KPNA3: variants seen among roughly 807,000 people sequenced by gnomAD.
KPNA3 encodes the protein karyopherin subunit alpha 3.
A neutral mutation model predicts 73.8 loss-of-function variants in KPNA3; 13 were observed. The observed-to-expected ratio is 0.18, with a 90% confidence interval of 0.11 to 0.28. The LOEUF (loss-of-function observed/expected upper bound fraction) is 0.28. KPNA3 is among the 10% of genes least tolerant of loss of function. The pLI is 1.00. For synonymous variants in KPNA3, 186 were observed against 206.9 expected, an observed-to-expected ratio of 0.90 and a Z score of 0.87; for missense variants, 360 against 618.1, an observed-to-expected ratio of 0.58 and a Z score of 4.43.
At chr13:49,739,632 C>T (rs1466726509) in intron 2 of KPNA3, among the ~76,000 whole-genome samples, 4 of 152,100 alleles carry the variant, frequency 2.6e-5, no homozygotes, top group Non-Finnish European at 4.4e-5. Context: ...TCAATTTTGA[C>T]GGATCAGTAT....
At chr13:49,790,729 T>C (rs892254247) in intron 1 of KPNA3, among the ~76,000 whole-genome samples, 21 of 152,350 alleles carry the variant, frequency 1.4e-4, no homozygotes, top group Non-Finnish European at 2.6e-4. Flanking sequence ...AAATATTTGT[T>C]GTGTACCTAT....
intron 7 of KPNA3, among the ~76,000 whole-genome samples, chr13:49,723,984 C>A (rs1209591458): frequency 1.3e-5 from 2 of 152,110 alleles, no homozygotes; most frequent in African/African-American, 4.8e-5. Flanking sequence ...CATTAAATAT[C>A]TGCTTTCTGT....
chr13:49,704,139 C>T (rs1356435786), intron 15 of KPNA3, among the ~76,000 whole-genome samples: 2 of 151,966 alleles, frequency 1.3e-5, no homozygotes, highest in East Asian at 1.9e-4. Context: ...GAAACCCTCC[C>T]GGCTGGGTGC....
intron 16 of KPNA3, 107 bp from the exon 17 acceptor site, chr13:49,702,005 TAACC>T (rs1954152783): frequency 1.5e-6 from 1 of 686,728 alleles, no homozygotes; most frequent in Admixed American, 2.7e-5. Flanking sequence ...GTGAATGCTT[TAACC>T]AACTAAAAAT....
chr13:49,724,441 C>CTACAGGCG (rs1334534132), intron 7 of KPNA3, among the ~76,000 whole-genome samples: 7 of 151,970 alleles, frequency 4.6e-5, no homozygotes, highest in African/African-American at 1.5e-4. Context: ...GCAGCTGGGA[C>CTACAGGCG]TACAGGCGCC....
intron 1 of KPNA3, among the ~76,000 whole-genome samples, chr13:49,782,594 A>C (rs1464144807): frequency 6.6e-6 from 1 of 152,140 alleles, no homozygotes; most frequent in African/African-American, 2.4e-5. Flanking sequence ...AAAATACTAA[A>C]TAGGCTGCGC....
chr13:49,791,335 T>C (rs1459878203), intron 1 of KPNA3, among the ~76,000 whole-genome samples: 1 of 152,196 alleles, frequency 6.6e-6, no homozygotes, highest in Non-Finnish European at 1.5e-5. Flanking sequence ...TAAAACCATT[T>C]TCCCCCTAAC....
intron 12 of KPNA3, among the ~76,000 whole-genome samples, chr13:49,707,469 C>A (rs528812736): frequency 9.2e-5 from 14 of 152,242 alleles, no homozygotes; most frequent in African/African-American, 2.9e-4. Context: ...CTTCCAGGGT[C>A]CTATGATAGT....
chr13:49,774,335 T>C (rs1429710316), intron 1 of KPNA3, among the ~76,000 whole-genome samples: 1 of 152,218 alleles, frequency 6.6e-6, no homozygotes, highest in Non-Finnish European at 1.5e-5. Context: ...TCTACAGTTA[T>C]ACCCCGAATT....
Position 49,789,101 on chromosome 13 carries a change from T to C in KPNA3, c.69+3337A>G, listed in dbSNP as rs186232714. 8.5e-5 allele frequency among the ~76,000 whole-genome samples: 13 copies of C among 152,280 alleles called. No individual in the cohort carries two copies. In the East Asian group the frequency reaches 2.1e-3, roughly 25 times the overall value. Reference sequence around the variant, plus strand: ...TCTAGGTATTACTGCCCTGTCACCCTTTCCATTGCTCTAATCATGTTACAT... The same window carrying C: ...TCTAGGTATTACTGCCCTGTCACCCCTTCCATTGCTCTAATCATGTTACAT... On this transcript the variant is annotated intron_variant, in intron 1 of 16. Transcript: ENST00000261667.
intron 8 of KPNA3, 27 bp downstream of exon 8, chr13:49,722,450 T>C (rs755132144): frequency 1.4e-6 from 2 of 1,476,118 alleles, no homozygotes; most frequent in Admixed American, 1.8e-5. Context: ...TTTAGATTCT[T>C]AAGAGGATTC....
intron 1 of KPNA3, among the ~76,000 whole-genome samples, chr13:49,781,108 C>T (rs140307003): frequency 2.0e-5 from 3 of 152,192 alleles, no homozygotes; most frequent in Admixed American, 6.5e-5. Context: ...AATACCTACA[C>T]ATTTTTCTAC....
chr13:49,704,203 C>A (rs1185630954), intron 15 of KPNA3, among the ~76,000 whole-genome samples: 1 of 152,080 alleles, frequency 6.6e-6, no homozygotes, highest in Non-Finnish European at 1.5e-5. Flanking sequence ...GGGCAGATCA[C>A]CCGAGGTTGG....
intron 9 of KPNA3, among the ~76,000 whole-genome samples, chr13:49,721,359 T>C (rs935096367): frequency 8.5e-5 from 13 of 152,242 alleles, no homozygotes; most frequent in Non-Finnish European, 1.8e-4. Context: ...AATAAAACTT[T>C]GAGATTGTTT....
intron 1 of KPNA3, among the ~76,000 whole-genome samples, chr13:49,749,648 A>T (rs552172167): frequency 6.6e-6 from 1 of 152,286 alleles, no homozygotes; most frequent in African/African-American, 2.4e-5. Flanking sequence ...CCATGAAACG[A>T]ACCATATGAC....
intron 7 of KPNA3, among the ~76,000 whole-genome samples, chr13:49,724,966 C>A (rs1371701811): frequency 6.6e-6 from 1 of 152,124 alleles, no homozygotes; most frequent in Non-Finnish European, 1.5e-5. Context: ...TTAAAATCAC[C>A]TTGATTACCA....
intron 1 of KPNA3, among the ~76,000 whole-genome samples, chr13:49,780,271 A>T (rs944978977): frequency 2.0e-5 from 3 of 152,148 alleles, no homozygotes; most frequent in Non-Finnish European, 2.9e-5. Context: ...TTTGCGCTCA[A>T]GACACAGGTG....
intron 6 of KPNA3, among the ~76,000 whole-genome samples, chr13:49,728,039 T>C (rs1242339827): frequency 6.6e-6 from 1 of 151,944 alleles, no homozygotes; most frequent in East Asian, 1.9e-4. Context: ...ATCGAGACCA[T>C]CCTGGCTAAC....
chr13:49,713,929 C>T (rs1954283706), intron 10 of KPNA3, among the ~76,000 whole-genome samples: 1 of 152,158 alleles, frequency 6.6e-6, no homozygotes, highest in Non-Finnish European at 1.5e-5. Flanking sequence ...GTCTCAAACT[C>T]CTGACCTCAG....
Sources: gnomAD v4.1 joint callset for allele counts (sites outside exome capture counted in the v4.1 genomes callset) on GRCh38, gnomAD v4.1.1 for gene constraint, MANE v1.5 for transcripts, NCBI Gene and HGNC (gene_info 2026-07-23, HGNC 2026-07-21) for gene names.